Variants in NRXN1 observed in about 807,000 individuals in gnomAD.
NRXN1 encodes the protein neurexin-1.
In NRXN1, 39 loss-of-function variants were observed where a neutral mutation model predicts 150.9. The observed-to-expected ratio is 0.26, with a 90% confidence interval of 0.20 to 0.34. NRXN1 has a LOEUF of 0.34. Ranked by LOEUF, NRXN1 falls within the 10% of genes least tolerant of loss-of-function variation. The pLI is 1.00. For missense variants in NRXN1, 1,815 were observed against 1,949.9 expected (o/e 0.93, Z 1.30); for synonymous variants, 924 against 757.0 (o/e 1.22, Z -3.62).
rs560305135 is a variant in NRXN1, at chr2:50,331,415, A to G, written c.3365-94445T>C. Among the ~76,000 whole-genome samples, 14 of 152,286 alleles carry G rather than the reference A, an allele frequency of 9.2e-5. No individual in the cohort carries two copies. In the South Asian group the frequency reaches 2.9e-3, roughly 32 times the overall value. On this transcript the variant is annotated intron_variant, in intron 17 of 22. Coordinates refer to ENST00000401669, the MANE Select transcript of NRXN1 (RefSeq NM_001330078.2). ...AGGAGAATGCAGAGTGAGATTTAAA[A>G]GTTGTGTGTGTGCATGCATATAACC... is the stretch of plus-strand genomic sequence containing the variant.
intron 5 of NRXN1, among the ~76,000 whole-genome samples, chr2:50,707,170 C>T (rs912825539): frequency 1.3e-5 from 2 of 152,128 alleles, no homozygotes; most frequent in African/African-American, 2.4e-5. Flanking sequence ...GCTTTCATCA[C>T]CTTTGGAAGA....
chr2:50,752,037 C>A (rs1343067622), intron 5 of NRXN1, among the ~76,000 whole-genome samples: 1 of 151,982 alleles, frequency 6.6e-6, no homozygotes, highest in Non-Finnish European at 1.5e-5. Context: ...ACTTTGAACA[C>A]AGAATGTATT....
intron 5 of NRXN1, among the ~76,000 whole-genome samples, chr2:50,753,463 C>T (rs1374455242): frequency 2.0e-5 from 3 of 151,812 alleles, no homozygotes; most frequent in Non-Finnish European, 4.4e-5. Context: ...ATCGTCATGG[C>T]AGTCTACAAA....
intron 18 of NRXN1, among the ~76,000 whole-genome samples, chr2:50,160,753 C>A (rs2059316191): frequency 6.6e-6 from 1 of 152,078 alleles, no homozygotes; most frequent in African/African-American, 2.4e-5. Context: ...GGTTTGTAAT[C>A]TTTTCGGTAG....
chr2:50,414,022 C>A (rs1248060585), intron 17 of NRXN1, among the ~76,000 whole-genome samples: 1 of 118,060 alleles, frequency 8.5e-6, no homozygotes, highest in East Asian at 2.4e-4. Flanking sequence ...GAATGGTTAC[C>A]AGAGGCTGGG....
chr2:50,582,569 C>T (rs187534168), intron 8 of NRXN1, among the ~76,000 whole-genome samples: 184 of 142,950 alleles, frequency 1.3e-3, no homozygotes, highest in African/African-American at 4.1e-3. Flanking sequence ...GAGGAAACAA[C>T]TACGAACAGA....
chr2:50,122,412 A>C (rs1703984698), intron 18 of NRXN1, among the ~76,000 whole-genome samples: 1 of 152,216 alleles, frequency 6.6e-6, no homozygotes, highest in African/African-American at 2.4e-5. Context: ...TGACTACTCT[A>C]ATTAACTCAA....
At chr2:50,430,339 A>T (rs553646854) in intron 17 of NRXN1, among the ~76,000 whole-genome samples, 1 of 151,988 alleles carries the variant, frequency 6.6e-6, no homozygotes, top group Non-Finnish European at 1.5e-5. Flanking sequence ...AGGTAGAAAA[A>T]AACAGCAAGC....
At chr2:50,396,153 G>C (rs966081846) in intron 17 of NRXN1, among the ~76,000 whole-genome samples, 1 of 152,094 alleles carries the variant, frequency 6.6e-6, no homozygotes, top group Non-Finnish European at 1.5e-5. Context: ...AATGCAAATC[G>C]CACCCTCTGC....
At chr2:50,015,422 G>C in intron 21 of NRXN1, among the ~76,000 whole-genome samples, 1 of 151,074 alleles carries the variant, frequency 6.6e-6, no homozygotes, top group Non-Finnish European at 1.5e-5. Context: ...GGAGACTGTG[G>C]CTGGAGTAGG....
intron 2 of NRXN1, among the ~76,000 whole-genome samples, chr2:50,956,421 C>T (rs2193417): frequency 0.63 from 96,150 of 151,944 alleles, 30,673 homozygotes; most frequent in East Asian, 0.78. Flanking sequence ...TACTTACTCA[C>T]TAACGTGATG....
intron 19 of NRXN1, among the ~76,000 whole-genome samples, chr2:50,058,454 G>A (rs1273970363): frequency 6.6e-6 from 1 of 152,122 alleles, no homozygotes; most frequent in African/African-American, 2.4e-5. Flanking sequence ...ATTCTTGTAT[G>A]GGTAATGAAT....
At chr2:50,889,584 G>GA (rs1271271460) in intron 5 of NRXN1, among the ~76,000 whole-genome samples, 3 of 151,674 alleles carry the variant, frequency 2.0e-5, no homozygotes, top group East Asian at 1.9e-4. Flanking sequence ...ATTATTTTCA[G>GA]AAAAAACATA....
chr2:50,758,414 T>C (rs918983006), intron 5 of NRXN1, among the ~76,000 whole-genome samples: 1 of 151,934 alleles, frequency 6.6e-6, no homozygotes, highest in Non-Finnish European at 1.5e-5. Context: ...ATTTTATTCA[T>C]TAAAGAACAA....
At chr2:50,452,482 C>G (rs2087067466) in intron 17 of NRXN1, among the ~76,000 whole-genome samples, 2 of 152,120 alleles carry the variant, frequency 1.3e-5, no homozygotes, top group Non-Finnish European at 2.9e-5. Context: ...GTGACTTGCT[C>G]AAGGCCACAT....
intron 17 of NRXN1, among the ~76,000 whole-genome samples, chr2:50,383,227 G>C (rs1404082938): frequency 1.3e-5 from 2 of 152,062 alleles, no homozygotes; most frequent in East Asian, 3.9e-4. Context: ...AATATGGTCT[G>C]GTCTGATCAT....
At chr2:49,942,106 C>T (rs1672077114) in intron 22 of NRXN1, among the ~76,000 whole-genome samples, 1 of 152,036 alleles carries the variant, frequency 6.6e-6, no homozygotes, top group Non-Finnish European at 1.5e-5. Context: ...GTCACGACAA[C>T]CAAGAGGGAA....
At chr2:49,980,682 T>C (rs1679850095) in intron 21 of NRXN1, among the ~76,000 whole-genome samples, 1 of 152,162 alleles carries the variant, frequency 6.6e-6, no homozygotes. Flanking sequence ...ATGACCCTTT[T>C]GAACCTACAA....
chr2:49,947,374 T>A (rs937336877), intron 21 of NRXN1, among the ~76,000 whole-genome samples: 4 of 151,980 alleles, frequency 2.6e-5, no homozygotes, highest in African/African-American at 9.7e-5. Context: ...TGGAGGCACG[T>A]TTGGTAATAT....
Sources: gnomAD v4.1 joint callset for allele counts (sites outside exome capture counted in the v4.1 genomes callset) on GRCh38, gnomAD v4.1.1 for gene constraint, MANE v1.5 for transcripts, NCBI Gene and HGNC (gene_info 2026-07-23, HGNC 2026-07-21) for gene names.